Variants in NEK11 observed in about 807,000 individuals in gnomAD.
The protein encoded by NEK11 is NIMA related kinase 11, also known as serine/threonine-protein kinase Nek11.
Under a neutral mutation model 80.7 loss-of-function variants are expected in NEK11, and 72 were observed. The observed-to-expected ratio is 0.89, with a 90% CI of 0.74 to 1.08. NEK11 has a LOEUF of 1.08. NEK11 is among the 50% of genes least tolerant of loss of function. The pLI is 0.00. For missense variants in NEK11, 764 were observed against 763.6 expected, an observed-to-expected ratio of 1.00 and a Z score of -0.01; for synonymous variants, 251 against 260.7, an observed-to-expected ratio of 0.96 and a Z score of 0.36.
intron 17 of NEK11, among the ~76,000 whole-genome samples, chr3:131,319,753 C>T (rs770816858): frequency 5.3e-5 from 8 of 152,136 alleles, no homozygotes; most frequent in Non-Finnish European, 1.0e-4. Flanking sequence ...TTCAAGGACA[C>T]ATACATTCAT....
At chr3:131,307,811 G>C (rs2096737661) in intron 17 of NEK11, among the ~76,000 whole-genome samples, 1 of 152,228 alleles carries the variant, frequency 6.6e-6, no homozygotes, top group African/African-American at 2.4e-5. Flanking sequence ...GAACTGCAGT[G>C]TGAATTTTGT....
At chr3:131,168,732 T>C in intron 12 of NEK11, 98 bp from the exon 13 acceptor site, 1 of 734,924 alleles carries the variant, frequency 1.4e-6, no homozygotes, top group Non-Finnish European at 2.3e-6. Context: ...TGATTAATAA[T>C]GAATAGAAAA....
chr3:131,186,795 G>A (rs2093618575), intron 14 of NEK11, among the ~76,000 whole-genome samples: 1 of 152,116 alleles, frequency 6.6e-6, no homozygotes, highest in African/African-American at 2.4e-5. Context: ...GCATAACCAT[G>A]ACTTTTGCAA....
At position 131,069,224 on chromosome 3, in the gene NEK11, CA is replaced by C. The variant is rs149822913; in HGVS notation, c.171-11198del. Among the ~76,000 whole-genome samples the C allele has an allele frequency of 9.3e-3, 1,414 of 152,226 alleles. 19 individuals are homozygous for C. Among genetic ancestry groups the C allele is most frequent in the African/African-American group, 0.031 (1,299 of 41,530 alleles). ...ACTTTAAACAGTGTTTATCTTTTCTCATTTTTACCTACTCAAGGAAATGGAG... is the reference window on the plus strand; with the variant it reads ...ACTTTAAACAGTGTTTATCTTTTCTCTTTTTACCTACTCAAGGAAATGGAG... On this transcript the variant is annotated intron_variant, in intron 3 of 17. Coordinates refer to ENST00000383366, the MANE Select transcript of NEK11 (RefSeq NM_024800.5).
At chr3:131,134,049 C>T in intron 7 of NEK11, 93 bp downstream of exon 7, 1 of 1,068,836 alleles carries the variant, frequency 9.4e-7, no homozygotes, top group Non-Finnish European at 1.3e-6. Flanking sequence ...CATACATTCA[C>T]TTTATCCCTT....
intron 17 of NEK11, among the ~76,000 whole-genome samples, chr3:131,289,219 C>T (rs561352796): frequency 6.6e-6 from 1 of 152,338 alleles, no homozygotes; most frequent in South Asian, 2.1e-4. Flanking sequence ...TGTGGACCCA[C>T]ATCCCTGGTG....
intron 3 of NEK11, among the ~76,000 whole-genome samples, chr3:131,070,793 T>C (rs2073141007): frequency 6.6e-6 from 1 of 152,260 alleles, no homozygotes; most frequent in South Asian, 2.1e-4. Context: ...GAGACAAAAG[T>C]CTATTCTTCA....
rs1439942417 is a variant in NEK11, at chr3:131,109,924, A to G, written c.455+3A>G. Reference sequence around the variant, plus strand: ...GGAGTTGACTACATGCATGAGAGGTATGTTCATTTGCTACTGGGGGAGCAT... The same window carrying G: ...GGAGTTGACTACATGCATGAGAGGTGTGTTCATTTGCTACTGGGGGAGCAT... On this transcript the variant is annotated splice_donor_region_variant and intron_variant, in intron 5 of 17. Coordinates refer to ENST00000383366, the MANE Select transcript of NEK11 (RefSeq NM_024800.5). The G allele has an allele frequency of 2.5e-6, 4 of 1,590,128 alleles. No homozygotes were observed. The Admixed American group carries it at 5.5e-5, about 22-fold the overall frequency.
chr3:131,203,787 A>AAAGTT (rs1560949950), intron 14 of NEK11, among the ~76,000 whole-genome samples: 2 of 7,490 alleles, frequency 2.7e-4, no homozygotes, highest in African/African-American at 7.6e-4. Flanking sequence ...ATATATATAT[A>AAAGTT]TATATATATA....
intron 16 of NEK11, among the ~76,000 whole-genome samples, chr3:131,260,244 A>G (rs1011736833): frequency 6.6e-6 from 1 of 151,622 alleles, no homozygotes; most frequent in South Asian, 2.1e-4. Flanking sequence ...TGGCACTTCT[A>G]TGGGATGTTA....
chr3:131,116,603 G>A (rs1434387169), intron 5 of NEK11, among the ~76,000 whole-genome samples: 1 of 152,170 alleles, frequency 6.6e-6, no homozygotes, highest in Non-Finnish European at 1.5e-5. Context: ...CAGTGTAAAA[G>A]TGTTCCTATT....
intron 17 of NEK11, among the ~76,000 whole-genome samples, chr3:131,305,719 G>C (rs2096716625): frequency 6.6e-6 from 1 of 152,182 alleles, no homozygotes; most frequent in Non-Finnish European, 1.5e-5. Flanking sequence ...TAGAATTCCA[G>C]AGGTTGATGG....
intron 7 of NEK11, among the ~76,000 whole-genome samples, chr3:131,141,247 T>C (rs1219545215): frequency 1.3e-5 from 2 of 152,280 alleles, no homozygotes; most frequent in Non-Finnish European, 2.9e-5. Context: ...TATACTGTTA[T>C]AGTGCAATAC....
Position 131,280,390 on chromosome 3 carries a change from T to TC in NEK11, c.1718+6819dup, listed in dbSNP as rs982336447. 9.8e-5 allele frequency among the ~76,000 whole-genome samples: 15 copies of TC among 152,310 alleles called. 1 individual carries two copies. Among genetic ancestry groups the TC allele is most frequent in the Admixed American group, 4.6e-4 (7 of 15,296 alleles). On this transcript the variant is annotated intron_variant, in intron 17 of 17. Coordinates refer to ENST00000383366, the MANE Select transcript of NEK11 (RefSeq NM_024800.5). ...GCTCTTTTTTTTTAAGGCTTTTTTT[T>TC]CCCTCTCTGTCTGTCATTTTGGATA... is the stretch of plus-strand genomic sequence containing the variant.
At chr3:131,044,422 C>CAAAAAAAAAAAAA (rs57412173) in intron 3 of NEK11, among the ~76,000 whole-genome samples, 4 of 37,766 alleles carry the variant, frequency 1.1e-4, no homozygotes, top group Non-Finnish European at 1.6e-4. Context: ...AAATGGAAAG[C>CAAAAAAAAAAAAA]AAAAAAAAAA....
chr3:131,148,850 A>G (rs573323545), intron 7 of NEK11, among the ~76,000 whole-genome samples: 2 of 151,900 alleles, frequency 1.3e-5, no homozygotes, highest in East Asian at 1.9e-4. Flanking sequence ...TTCATTAAAA[A>G]TAAATTTTAT....
intron 14 of NEK11, among the ~76,000 whole-genome samples, chr3:131,226,276 A>C (rs1182400737): frequency 6.6e-6 from 1 of 152,154 alleles, no homozygotes; most frequent in Non-Finnish European, 1.5e-5. Flanking sequence ...GTTTTCATAC[A>C]CTTCTCATGC....
intron 17 of NEK11, among the ~76,000 whole-genome samples, chr3:131,315,566 T>A (rs901966690): frequency 1.3e-5 from 2 of 151,912 alleles, no homozygotes; most frequent in African/African-American, 4.8e-5. Context: ...TCTTCAACTT[T>A]TAAGTTCCGG....
chr3:131,278,541 G>C (rs1383574292), intron 17 of NEK11, among the ~76,000 whole-genome samples: 1 of 147,856 alleles, frequency 6.8e-6, no homozygotes, highest in African/African-American at 2.6e-5. Context: ...GTTCAAAAAA[G>C]TTTTTTGTTT....
Sources: gnomAD v4.1 joint callset for allele counts (sites outside exome capture counted in the v4.1 genomes callset) on GRCh38, gnomAD v4.1.1 for gene constraint, MANE v1.5 for transcripts, NCBI Gene and HGNC (gene_info 2026-07-23, HGNC 2026-07-21) for gene names.